Variants in NCAM2 observed in about 807,000 individuals in gnomAD.
NCAM2 encodes N-CAM-2.
Under a neutral mutation model 98.1 loss-of-function variants are expected in NCAM2, and 30 were observed. The ratio of observed to expected loss-of-function variants is 0.31; its 90% CI spans 0.23 to 0.41. NCAM2 has a LOEUF of 0.41. NCAM2 is among the 10% of genes least tolerant of loss of function. The probability of loss-of-function intolerance (pLI) is 1.00; values close to 1 mark genes in which losing one functional copy is unlikely to be tolerated. For missense variants in NCAM2, 867 were observed against 1,005.8 expected (o/e 0.86, Z 1.87); for synonymous variants, 368 against 342.4 (o/e 1.07, Z -0.83).
At chr21:21,303,361 G>A (rs908394755) in intron 5 of NCAM2, among the ~76,000 whole-genome samples, 14 of 151,918 alleles carry the variant, frequency 9.2e-5, no homozygotes, top group African/African-American at 2.2e-4. Context: ...TCATATAACC[G>A]TGCAATATGT....
intron 5 of NCAM2, among the ~76,000 whole-genome samples, chr21:21,323,549 AT>A (rs1315058222): frequency 6.6e-6 from 1 of 152,208 alleles, no homozygotes; most frequent in Non-Finnish European, 1.5e-5. Flanking sequence ...GCTTAAAATT[AT>A]AAAAGTGTGC....
At chr21:21,411,521 GT>G (rs1200780624) in intron 10 of NCAM2, among the ~76,000 whole-genome samples, 2 of 151,690 alleles carry the variant, frequency 1.3e-5, no homozygotes, top group Non-Finnish European at 2.9e-5. Flanking sequence ...TCTGAATAAA[GT>G]GCCTCTTATT....
intron 6 of NCAM2, among the ~76,000 whole-genome samples, chr21:21,330,314 G>C (rs1206827533): frequency 6.6e-6 from 1 of 151,942 alleles, no homozygotes; most frequent in African/African-American, 2.4e-5. Context: ...ATTGCACCCT[G>C]CTAATTTTGA....
chr21:21,138,523 A>T (rs2067106521), intron 1 of NCAM2, among the ~76,000 whole-genome samples: 1 of 152,138 alleles, frequency 6.6e-6, no homozygotes, highest in Non-Finnish European at 1.5e-5. Context: ...GGAAGAGTTG[A>T]CTGGTATTTC....
At chr21:21,297,122 T>A (rs1354762005) in intron 5 of NCAM2, among the ~76,000 whole-genome samples, 1 of 151,780 alleles carries the variant, frequency 6.6e-6, no homozygotes, top group Non-Finnish European at 1.5e-5. Flanking sequence ...TAGGATGTTG[T>A]TGAGGCTTTA....
chr21:21,259,107 T>G (rs780456250), intron 1 of NCAM2, among the ~76,000 whole-genome samples: 2 of 152,102 alleles, frequency 1.3e-5, no homozygotes, highest in Non-Finnish European at 2.9e-5. Context: ...TCACACTTTT[T>G]GCGGTGGCTC....
chr21:21,040,116 C>T (rs955584199), intron 1 of NCAM2, among the ~76,000 whole-genome samples: 20 of 152,140 alleles, frequency 1.3e-4, no homozygotes, highest in Non-Finnish European at 2.4e-4. Flanking sequence ...TCTTACTAGG[C>T]TAACAGCTGC....
intron 5 of NCAM2, among the ~76,000 whole-genome samples, chr21:21,302,459 T>C (rs1274941656): frequency 1.3e-5 from 2 of 152,116 alleles, no homozygotes; most frequent in Admixed American, 6.6e-5. Flanking sequence ...TCCATTGAAC[T>C]ATGTGTCTGT....
At chr21:21,169,882 C>T (rs953105248) in intron 1 of NCAM2, among the ~76,000 whole-genome samples, 1 of 152,094 alleles carries the variant, frequency 6.6e-6, no homozygotes, top group African/African-American at 2.4e-5. Flanking sequence ...CGCTTGACCC[C>T]AGGGAAGTCG....
intron 1 of NCAM2, among the ~76,000 whole-genome samples, chr21:21,149,980 G>A (rs2067400470): frequency 6.6e-6 from 1 of 152,066 alleles, no homozygotes; most frequent in African/African-American, 2.4e-5. Context: ...AGATCCTTTA[G>A]GAATTGCCAC....
intron 1 of NCAM2, among the ~76,000 whole-genome samples, chr21:21,025,990 G>A (rs918858405): frequency 2.0e-5 from 3 of 152,190 alleles, no homozygotes; most frequent in African/African-American, 7.2e-5. Context: ...AATGACAACA[G>A]GAGTCAGGTG....
Position 21,284,290 on chromosome 21 carries a change from C to T in NCAM2, c.227C>T (p.Ser76Leu), listed in dbSNP as rs775971713. 14 of 1,611,546 alleles carry T rather than the reference C, an allele frequency of 8.7e-6. No homozygotes were observed. In the East Asian group the frequency reaches 3.1e-4, roughly 36 times the overall value. ...GTAGTGCAAAAGGAAGGTGTTAGGT[C>T]ACGGTTAACCATCTACAATGCAAAT... ...RVVVQKEGVR[S>L]RLTIYNANIE... Residue 76 changes from serine (S) to leucine (L), a missense_variant, in exon 3 of 18, where the codon TCA (serine) becomes TTA (leucine). Ser to Leu is a moderately radical substitution (Grantham distance 145). Transcript: ENST00000400546.
intron 6 of NCAM2, 39 bp from the exon 7 acceptor site, chr21:21,335,466 G>T: frequency 6.5e-7 from 1 of 1,538,454 alleles, no homozygotes. Flanking sequence ...AAATTATAAA[G>T]CCAGATCTGT....
At chr21:21,055,495 T>C (rs1384026248) in intron 1 of NCAM2, among the ~76,000 whole-genome samples, 2 of 152,070 alleles carry the variant, frequency 1.3e-5, no homozygotes, top group African/African-American at 4.8e-5. Flanking sequence ...TGTAGGGTAA[T>C]GATAGGGAAC....
chr21:21,540,171 A>G lies in NCAM2; in HGVS notation c.*2214A>G, dbSNP rs969044003. On this transcript the variant is annotated 3_prime_UTR_variant, in exon 18 of 18. Coordinates refer to ENST00000400546, the MANE Select transcript of NCAM2 (RefSeq NM_004540.5). ...GTGCAGAAATCATAATAAATAACAA[A>G]CTATTTTTGTGTTTTCTCAATGTGA... 7 of 151,580 alleles carry G rather than the reference A, an allele frequency of 4.6e-5. No homozygotes were observed. The highest frequency in any genetic ancestry group is 1.7e-4 in the African/African-American group (7 of 41,288). 9.4% of individuals were successfully genotyped at this position (151,580 alleles called of 1,614,324 possible). A position where few individuals can be genotyped will look rare whatever the true frequency, so the allele number is the denominator to read the frequency against.
chr21:21,503,505 A>G (rs1987769657), intron 15 of NCAM2, among the ~76,000 whole-genome samples: 2 of 151,890 alleles, frequency 1.3e-5, no homozygotes, highest in South Asian at 4.1e-4. Context: ...ATTTCATCGC[A>G]CTACTCAGAA....
chr21:21,471,941 A>G (rs560594329), intron 14 of NCAM2, among the ~76,000 whole-genome samples: 5 of 152,168 alleles, frequency 3.3e-5, no homozygotes, highest in African/African-American at 1.2e-4. Flanking sequence ...AATGTCTCTA[A>G]CAATAAATCA....
intron 5 of NCAM2, among the ~76,000 whole-genome samples, chr21:21,307,400 A>G (rs1381700857): frequency 6.6e-6 from 1 of 152,196 alleles, no homozygotes; most frequent in Non-Finnish European, 1.5e-5. Flanking sequence ...CATTAATCAT[A>G]AAACTCATAA....
At chr21:21,127,472 C>A (rs1490468405) in intron 1 of NCAM2, among the ~76,000 whole-genome samples, 2 of 152,064 alleles carry the variant, frequency 1.3e-5, no homozygotes, top group African/African-American at 2.4e-5. Flanking sequence ...TATTCCAGAT[C>A]TTCTCTTCTA....
Sources: allele counts gnomAD v4.1 joint callset (sites outside exome capture counted in the v4.1 genomes callset), GRCh38; gene constraint gnomAD v4.1.1; transcripts MANE v1.5; gene names NCBI Gene and HGNC (gene_info 2026-07-23, HGNC 2026-07-21).